PIKFYVE: variants seen among roughly 807,000 people sequenced by gnomAD.
The protein encoded by PIKFYVE is phosphoinositide kinase, FYVE-type zinc finger containing.
PIKFYVE carries 122 observed loss-of-function variants against 257.9 expected under a neutral mutation model. That is an observed-to-expected ratio of 0.47 (90% CI 0.41 to 0.55). The LOEUF (loss-of-function observed/expected upper bound fraction) is 0.55, where lower values mean the gene tolerates loss of function less well. Among genes scored for constraint, PIKFYVE ranks in the 20% least tolerant of loss-of-function variants. The probability of loss-of-function intolerance (pLI) is 0.00; values close to 1 mark genes in which losing one functional copy is unlikely to be tolerated. For synonymous variants in PIKFYVE, 892 were observed against 868.9 expected, an observed-to-expected ratio of 1.03 and a Z score of -0.47; for missense variants, 2,160 against 2,536.6, an observed-to-expected ratio of 0.85 and a Z score of 3.19.
intron 35 of PIKFYVE, among the ~76,000 whole-genome samples, chr2:208,348,940 A>T (rs1029592006): frequency 1.3e-5 from 2 of 152,058 alleles, no homozygotes; most frequent in African/African-American, 4.8e-5. Flanking sequence ...AGGCGGGCGG[A>T]TCACTTGAGA....
Position 208,354,035 on chromosome 2 carries a change from C to T in PIKFYVE, c.5982C>T (p.Ser1994=), listed in dbSNP as rs984607969. The T allele has an allele frequency of 6.2e-6, 10 of 1,613,996 alleles. No individual in the cohort carries two copies. Among genetic ancestry groups the T allele is most frequent in the African/African-American group, 1.3e-5 (1 of 74,990 alleles). The change falls in exon 40 of 42, where the codon TCC becomes TCT. Residue 1994 remains serine, a synonymous_variant. Coordinates refer to ENST00000264380, the MANE Select transcript of PIKFYVE (RefSeq NM_015040.4). ...RDNPLYIRSH[S]KAVLRTSIHS... ...ACCCTCTATATATTCGTTCTCATTC[C>T]AAAGCTGTGCTGAGAACCTCGATCC...
intron 34 of PIKFYVE, among the ~76,000 whole-genome samples, chr2:208,347,156 A>G (rs1699310752): frequency 6.6e-6 from 1 of 152,202 alleles, no homozygotes; most frequent in South Asian, 2.1e-4. Context: ...AGTGGATATT[A>G]AAGAGGCAAT....
At chr2:208,341,988 C>T (rs570176740) in intron 31 of PIKFYVE, among the ~76,000 whole-genome samples, 7 of 151,704 alleles carry the variant, frequency 4.6e-5, no homozygotes, top group African/African-American at 1.7e-4. Context: ...TAACATCTTA[C>T]ACATGTAAGA....
chr2:208,302,205 C>T (rs1465253795), intron 9 of PIKFYVE, 37 bp from the exon 10 acceptor site: 2 of 1,580,814 alleles, frequency 1.3e-6, no homozygotes, highest in Non-Finnish European at 1.7e-6. Flanking sequence ...TTCTGACTGA[C>T]TTTTAAAACT....
At chr2:208,352,918 T>G in intron 39 of PIKFYVE, 136 bp downstream of exon 39, 1 of 1,124,830 alleles carries the variant, frequency 8.9e-7, no homozygotes, top group Admixed American at 1.9e-5. Flanking sequence ...CATATTTAAC[T>G]TTTGACTTGC....
chr2:208,339,663 A>G, intron 30 of PIKFYVE, 108 bp downstream of exon 30: 2 of 1,382,214 alleles, frequency 1.4e-6, no homozygotes, highest in Non-Finnish European at 1.0e-6. Flanking sequence ...TATTTGCTTC[A>G]TAATAACAGA....
chr2:208,288,924 C>T (rs201481407), intron 7 of PIKFYVE, 106 bp downstream of exon 7: 149 of 1,368,294 alleles, frequency 1.1e-4, no homozygotes, highest in East Asian at 3.9e-4. Context: ...CATATACTTC[C>T]GTAGCTCTAA....
At chr2:208,343,965 C>G (rs766096639) in intron 32 of PIKFYVE, among the ~76,000 whole-genome samples, 4 of 151,750 alleles carry the variant, frequency 2.6e-5, no homozygotes, top group Non-Finnish European at 5.9e-5. Flanking sequence ...CCAAGTAGCC[C>G]GCCACCATGC....
At chr2:208,331,372 A>G (rs1050777752) in intron 23 of PIKFYVE, among the ~76,000 whole-genome samples, 19 of 151,790 alleles carry the variant, frequency 1.3e-4, no homozygotes, top group African/African-American at 4.6e-4. Flanking sequence ...TTACTACCTT[A>G]ATTAGGTTCT....
intron 17 of PIKFYVE, among the ~76,000 whole-genome samples, chr2:208,320,801 G>T (rs928519574): frequency 6.6e-6 from 1 of 152,222 alleles, no homozygotes; most frequent in Non-Finnish European, 1.5e-5. Context: ...GCCCAGAATA[G>T]CTGCATTAGG....
rs567094612 is a variant in PIKFYVE, at chr2:208,305,997, A to G, written c.1636+984A>G. 9.8e-5 allele frequency among the ~76,000 whole-genome samples: 15 copies of G among 152,348 alleles called. No homozygotes were observed. In the East Asian group the frequency reaches 2.7e-3, roughly 27 times the overall value. On this transcript the variant is annotated intron_variant, in intron 12 of 41. Coordinates refer to ENST00000264380, the MANE Select transcript of PIKFYVE (RefSeq NM_015040.4). Reference sequence around the variant, plus strand: ...TTTTGCGCACTCTATTTCGAGCCTAAGAATATGATCAGAAAACAGAAGCTT... The same window carrying G: ...TTTTGCGCACTCTATTTCGAGCCTAGGAATATGATCAGAAAACAGAAGCTT...
intron 36 of PIKFYVE, among the ~76,000 whole-genome samples, chr2:208,350,449 A>G (rs755888565): frequency 1.8e-4 from 27 of 152,198 alleles, no homozygotes; most frequent in Non-Finnish European, 3.8e-4. Flanking sequence ...GATATTTATT[A>G]AGAATTACTA....
intron 36 of PIKFYVE, 113 bp downstream of exon 36, chr2:208,350,196 A>G: frequency 6.7e-7 from 1 of 1,481,842 alleles, no homozygotes; most frequent in Admixed American, 2.2e-5. Context: ...TCTTGAAATG[A>G]ATATTAAGTC....
chr2:208,310,498 AT>A (rs1267426185), intron 12 of PIKFYVE, among the ~76,000 whole-genome samples: 2 of 152,186 alleles, frequency 1.3e-5, no homozygotes, highest in African/African-American at 4.8e-5. Flanking sequence ...AATATATTTT[AT>A]TATGTATTAC....
chr2:208,324,379 C>A, intron 18 of PIKFYVE, 97 bp downstream of exon 18: 1 of 1,325,538 alleles, frequency 7.5e-7, no homozygotes, highest in Non-Finnish European at 1.1e-6. Context: ...TTTTTCTTTG[C>A]TGTTCTATTT....
chr2:208,345,559 G>T (rs1047346674), intron 33 of PIKFYVE, among the ~76,000 whole-genome samples: 1 of 152,040 alleles, frequency 6.6e-6, no homozygotes, highest in Admixed American at 6.5e-5. Context: ...AATAAATAAA[G>T]GTCCTAATAC....
intron 1 of PIKFYVE, among the ~76,000 whole-genome samples, chr2:208,269,164 ACT>A (rs1689081978): frequency 6.6e-6 from 1 of 152,148 alleles, no homozygotes; most frequent in Admixed American, 6.5e-5. Flanking sequence ...TTTTACCGAG[ACT>A]GTAATGTCCT....
At chr2:208,277,483 G>A (rs1467995476) in intron 4 of PIKFYVE, 54 bp from the exon 5 acceptor site, 5 of 1,573,176 alleles carry the variant, frequency 3.2e-6, no homozygotes, top group Non-Finnish European at 4.4e-6. Flanking sequence ...ATTTGCCATT[G>A]CATATTAATA....
In PIKFYVE at chr2:208,285,897, G is replaced by T; in HGVS notation, c.785G>T (p.Arg262Leu). 6.2e-7 allele frequency: 1 copy of T among 1,614,100 alleles called. No individual in the cohort carries two copies. Among genetic ancestry groups the T allele is most frequent in the Non-Finnish European group, 8.5e-7 (1 of 1,179,998 alleles). Residue 262 changes from arginine (R) to leucine (L), a missense_variant, in exon 6 of 42, where the codon CGT becomes CTT. Around this residue, in one of 12 missense-constraint regions of PIKFYVE, gnomAD observed 187 missense variants for 185.6 expected, o/e 1.01. Coordinates refer to ENST00000264380, the MANE Select transcript of PIKFYVE (RefSeq NM_015040.4). ...RTPVGSRKAS[R>L]NIFLEDDLAW... ...CCTGTTGGGAGTAGGAAAGCCAGCC[G>T]TAACATATTTTTAGAGGATGATTTG...
Sources: allele counts gnomAD v4.1 joint callset (sites outside exome capture counted in the v4.1 genomes callset), GRCh38; gene constraint gnomAD v4.1.1; regional missense constraint gnomAD v4.1.1; transcripts MANE v1.5; gene names NCBI Gene and HGNC (gene_info 2026-07-23, HGNC 2026-07-21).